The following CTDSPL2 variants were observed in gnomAD, a reference collection of about 807,000 sequenced individuals.
CTDSPL2 encodes CTD small phosphatase-like protein 2.
A neutral mutation model predicts 60.0 loss-of-function variants in CTDSPL2; 5 were observed. The observed-to-expected ratio is 0.08, with a 90% CI of 0.04 to 0.18. The LOEUF (loss-of-function observed/expected upper bound fraction) is 0.18, where lower values mean the gene tolerates loss of function less well. Ranked by LOEUF, CTDSPL2 falls within the 10% of genes least tolerant of loss-of-function variation. The pLI is 1.00. For synonymous variants in CTDSPL2, 186 were observed against 189.3 expected, an observed-to-expected ratio of 0.98 and a Z score of 0.14; for missense variants, 370 against 548.8, an observed-to-expected ratio of 0.67 and a Z score of 3.26.
rs1172374811 is a variant in CTDSPL2, at chr15:44,486,536, T to C, written c.326-15T>C. The stretch of plus-strand genomic sequence containing the variant: ...TGTTTTCTAGATCATGACTTTTTTC[T>C]TGTTTCTTTTTTAGAAGCTGGTAGT... On this transcript the variant is annotated splice_polypyrimidine_tract_variant and intron_variant, in intron 3 of 12. Coordinates refer to ENST00000260327, the MANE Select transcript of CTDSPL2 (RefSeq NM_016396.3). 1 of 1,515,378 alleles carries C rather than the reference T, an allele frequency of 6.6e-7. No individual in the cohort carries two copies. Among genetic ancestry groups the C allele is most frequent in the Non-Finnish European group, 8.8e-7 (1 of 1,130,032 alleles). The allele number at this position is 1,515,378 out of a possible 1,614,324, so 93.9% of individuals were successfully genotyped here.
chr15:44,480,545 T>G (rs2081007555), intron 2 of CTDSPL2, among the ~76,000 whole-genome samples: 1 of 152,184 alleles, frequency 6.6e-6, no homozygotes, highest in Non-Finnish European at 1.5e-5. Flanking sequence ...TCCCATCATT[T>G]TCCCCTTAAT....
At chr15:44,449,641 A>G (rs116035289) in intron 1 of CTDSPL2, among the ~76,000 whole-genome samples, 7,575 of 152,106 alleles carry the variant, frequency 0.05, 347 homozygotes, top group East Asian at 0.24. Flanking sequence ...TCAGTTCAGT[A>G]TAAGGAAGTT....
intron 8 of CTDSPL2, among the ~76,000 whole-genome samples, chr15:44,501,061 T>C (rs1445813758): frequency 6.6e-6 from 1 of 152,160 alleles, no homozygotes; most frequent in South Asian, 2.1e-4. Flanking sequence ...AAATTTGTTG[T>C]TCTTGTTTAG....
rs537032570 is a variant in CTDSPL2, at chr15:44,497,846, A to C, written c.882+708A>C. ...ACCCATTCTCTACTAGAAATTCAAA[A>C]ATTAGCTGGGCATGGTGATACACAC... On this transcript the variant is annotated intron_variant, in intron 7 of 12. Transcript: ENST00000260327. 1.5e-4 allele frequency among the ~76,000 whole-genome samples: 23 copies of C among 152,172 alleles called. 1 individual carries two copies. In the South Asian group the frequency reaches 4.4e-3, roughly 29 times the overall value.
At chr15:44,461,097 G>A (rs1043284772) in intron 2 of CTDSPL2, among the ~76,000 whole-genome samples, 1 of 152,096 alleles carries the variant, frequency 6.6e-6, no homozygotes, top group African/African-American at 2.4e-5. Flanking sequence ...TTCCTTATAT[G>A]ACATATGATA....
At position 44,527,293 on chromosome 15, in the gene CTDSPL2, G is replaced by T. The variant is rs2081890457; in HGVS notation, c.*3119G>T. 6.6e-6 allele frequency: 1 copy of T among 152,068 alleles called. No individual in the cohort carries two copies. 9.4% of individuals were successfully genotyped at this position (152,068 alleles called of 1,614,324 possible). A position where few individuals can be genotyped will look rare whatever the true frequency, so the allele number is the denominator to read the frequency against. ...TTGTTTTTTGTTTTTTTTTCCAAGG[G>T]TTAACATAGAATGTTTTTTTTAAAA... On this transcript the variant is annotated 3_prime_UTR_variant, in exon 13 of 13. Transcript: ENST00000260327.
At chr15:44,459,684 C>G (rs777540386) in intron 2 of CTDSPL2, among the ~76,000 whole-genome samples, 5 of 152,154 alleles carry the variant, frequency 3.3e-5, no homozygotes, top group Non-Finnish European at 5.9e-5. Flanking sequence ...TTCCACTGAA[C>G]TAATCCACGT....
chr15:44,506,448 G>A lies in CTDSPL2; in HGVS notation c.969+6635G>A, dbSNP rs190262934. Among the ~76,000 whole-genome samples the A allele has an allele frequency of 1.9e-4, 24 of 127,264 alleles. No homozygotes were observed. The East Asian group carries it at 5.2e-3, about 28-fold the overall frequency. The allele number at this position is 127,264 out of a possible 152,430, so 83.5% of individuals were successfully genotyped here. A position where few individuals can be genotyped will look rare whatever the true frequency, so the allele number is the denominator to read the frequency against. On this transcript the variant is annotated intron_variant, in intron 8 of 12. Transcript: ENST00000260327. ...TTTTTTTTTTTGGAGGCATGGTGTC[G>A]CTGTGTCACCCAGACTGGAGTGCAT...
intron 2 of CTDSPL2, among the ~76,000 whole-genome samples, chr15:44,469,048 A>C (rs989947553): frequency 1.4e-4 from 21 of 152,302 alleles, no homozygotes; most frequent in African/African-American, 5.1e-4. Context: ...CCCAGAGTAC[A>C]AGACTAGTGA....
chr15:44,490,815 T>C lies in CTDSPL2; in HGVS notation c.507T>C (p.Ala169=). The C allele has an allele frequency of 6.2e-7, 1 of 1,613,182 alleles. No homozygotes were observed. Among genetic ancestry groups the C allele is most frequent in the East Asian group, 2.2e-5 (1 of 44,848 alleles). Residue 169 remains alanine, a synonymous_variant, in exon 5 of 13, where the codon GCT becomes GCC. Coordinates refer to ENST00000260327, the MANE Select transcript of CTDSPL2 (RefSeq NM_016396.3). ...CAGGATCAGATTCTCCAGGACAGGC[T>C]GTGGAAGCTGAAGAAATAGTAAAAC... ...GTSGSDSPGQ[A]VEAEEIVKQL...
intron 2 of CTDSPL2, among the ~76,000 whole-genome samples, chr15:44,480,176 T>C (rs1567084032): frequency 6.6e-6 from 1 of 152,190 alleles, no homozygotes; most frequent in South Asian, 2.1e-4. Flanking sequence ...ATTTCAATTC[T>C]AGCCATAGAC....
At position 44,525,409 on chromosome 15, in the gene CTDSPL2, C is replaced by T. The variant is rs906422662; in HGVS notation, c.*1235C>T. The T allele has an allele frequency of 1.8e-5, 7 of 398,680 alleles. No homozygotes were observed. The highest frequency in any genetic ancestry group is 3.6e-5 in the East Asian group (1 of 28,080). 24.7% of individuals were successfully genotyped at this position (398,680 alleles called of 1,614,324 possible). ...CAAGAGGTTGATATTTTTATAGTGG[C>T]GTGTAATCTCCTTTTCGGGAGGCTT... On this transcript the variant is annotated 3_prime_UTR_variant, in exon 13 of 13. Transcript: ENST00000260327.
At chr15:44,509,195 A>T (rs1053610047) in intron 8 of CTDSPL2, among the ~76,000 whole-genome samples, 3 of 150,452 alleles carry the variant, frequency 2.0e-5, no homozygotes, top group African/African-American at 7.3e-5. Flanking sequence ...TTTTATTTTT[A>T]TTTTTTTTAT....
chr15:44,483,122 G>A (rs1008787745), intron 2 of CTDSPL2, among the ~76,000 whole-genome samples: 3 of 152,074 alleles, frequency 2.0e-5, no homozygotes, highest in Admixed American at 6.6e-5. Flanking sequence ...AGCGGGGCGT[G>A]GTGGTGCGTG....
chr15:44,473,094 G>A (rs1878452255), intron 2 of CTDSPL2, among the ~76,000 whole-genome samples: 1 of 152,192 alleles, frequency 6.6e-6, no homozygotes, highest in Admixed American at 6.5e-5. Context: ...ACCACACCCA[G>A]CCATGAGTTC....
intron 1 of CTDSPL2, among the ~76,000 whole-genome samples, chr15:44,430,204 G>C (rs1353035496): frequency 2.0e-5 from 3 of 152,190 alleles, no homozygotes; most frequent in Admixed American, 2.0e-4. Flanking sequence ...TGTTCACCAA[G>C]GATGTACTAG....
chr15:44,496,959 T>C (rs2081311257), intron 6 of CTDSPL2, 68 bp from the exon 7 acceptor site: 2 of 814,714 alleles, frequency 2.5e-6, no homozygotes, highest in Non-Finnish European at 2.0e-6. Context: ...TTAAATGGGC[T>C]GAGCTTAGTA....
intron 1 of CTDSPL2, among the ~76,000 whole-genome samples, chr15:44,442,245 G>A (rs368230496): frequency 6.6e-6 from 1 of 152,174 alleles, no homozygotes; most frequent in Non-Finnish European, 1.5e-5. Context: ...GAGGTCACGA[G>A]TTCGAGACCA....
intron 2 of CTDSPL2, among the ~76,000 whole-genome samples, chr15:44,461,180 T>C (rs2080559806): frequency 1.3e-5 from 2 of 152,198 alleles, no homozygotes; most frequent in Admixed American, 6.6e-5. Context: ...TAGGTTTTTG[T>C]TATGTCTTCA....
Sources: gnomAD v4.1 joint callset for allele counts (sites outside exome capture counted in the v4.1 genomes callset) on GRCh38, gnomAD v4.1.1 for gene constraint, MANE v1.5 for transcripts, NCBI Gene and HGNC (gene_info 2026-07-23, HGNC 2026-07-21) for gene names.